DMXL1: variants seen among roughly 807,000 people sequenced by gnomAD.
DMXL1 encodes Dmx like 1.
DMXL1 carries 99 observed loss-of-function variants against 319.2 expected under a neutral mutation model. The observed-to-expected ratio is 0.31, with a 90% CI of 0.26 to 0.37. DMXL1 has a LOEUF of 0.37. Ranked by LOEUF, DMXL1 falls within the 10% of genes least tolerant of loss-of-function variation. The pLI is 1.00. For synonymous variants in DMXL1, 1,385 were observed against 1,235.2 expected (o/e 1.12, Z -2.54); for missense variants, 3,745 against 3,595.6 (o/e 1.04, Z -1.06).
intron 32 of DMXL1, among the ~76,000 whole-genome samples, chr5:119,202,909 A>T (rs144602599): frequency 0.035 from 4,697 of 134,676 alleles, 284 homozygotes; most frequent in African/African-American, 0.12. Context: ...ATATATATTT[A>T]TATATTTTTA....
rs370647752 is a variant in DMXL1, at chr5:119,170,022, A to T, written c.5399-168A>T. Among the ~76,000 whole-genome samples the T allele has an allele frequency of 9.2e-5, 14 of 152,350 alleles. No individual in the cohort carries two copies. The East Asian group carries it at 1.2e-3, about 13-fold the overall frequency. The stretch of plus-strand genomic sequence containing the variant: ...CCTACTTTGTTAGAACATGTTCATT[A>T]TAAATGTGTTGTTGTCTCTTCAGTG... On this transcript the variant is annotated intron_variant, in intron 23 of 43. Coordinates refer to ENST00000539542, the MANE Select transcript of DMXL1 (RefSeq NM_001290321.3).
intron 13 of DMXL1, among the ~76,000 whole-genome samples, chr5:119,141,642 TAGAA>T (rs1362672945): frequency 1.3e-5 from 2 of 152,130 alleles, no homozygotes; most frequent in Admixed American, 6.6e-5. Flanking sequence ...TGTTGATGGA[TAGAA>T]AGAATCAATA....
chr5:119,175,121 G>GA, intron 25 of DMXL1, 140 bp from the exon 26 acceptor site: 1 of 524,140 alleles, frequency 1.9e-6, no homozygotes, highest in Non-Finnish European at 3.3e-6. Flanking sequence ...GAGTGTTGTA[G>GA]AAAAAAAGGA....
At position 119,102,082 on chromosome 5, in the gene DMXL1, A is replaced by G. The variant is rs1367612837; in HGVS notation, c.285+76A>G. The G allele has an allele frequency of 2.1e-5, 19 of 906,412 alleles. No individual in the cohort carries two copies. In the East Asian group the frequency reaches 4.1e-4, roughly 19 times the overall value. The allele number at this position is 906,412 out of a possible 1,614,324, so 56.1% of individuals were successfully genotyped here. Reference sequence around the variant, plus strand: ...GAAAGAGTGTAAAATCAGAGTGATCATTGAGTAAATCGGTATTACTTATAT... The same window carrying G: ...GAAAGAGTGTAAAATCAGAGTGATCGTTGAGTAAATCGGTATTACTTATAT... On this transcript the variant is annotated intron_variant, in intron 3 of 43. Coordinates refer to ENST00000539542, the MANE Select transcript of DMXL1 (RefSeq NM_001290321.3).
chr5:119,147,319 G>A lies in DMXL1; in HGVS notation c.2760G>A (p.Glu920=), dbSNP rs1768798316. 1.9e-6 allele frequency: 3 copies of A among 1,613,480 alleles called. No individual in the cohort carries two copies. The African/African-American group carries it at 4.0e-5, about 22-fold the overall frequency. The change falls in exon 17 of 44, where the codon GAG becomes GAA. Residue 920 remains glutamate, a synonymous_variant. Coordinates refer to ENST00000539542, the MANE Select transcript of DMXL1 (RefSeq NM_001290321.3). ...QPEEHYSSSP[E]KILSPFSQKY... ...AAGAACATTATTCTTCTTCTCCAGA[G>A]AAGATCCTATCTCCTTTTTCACAAA... is the stretch of plus-strand genomic sequence containing the variant.
At chr5:119,104,372 G>A (rs1228665332) in intron 3 of DMXL1, 1 of 152,208 alleles carries the variant, frequency 6.6e-6, no homozygotes, top group East Asian at 1.9e-4. Flanking sequence ...GGGTGTTAAA[G>A]TACAGGTTTC....
intron 37 of DMXL1, among the ~76,000 whole-genome samples, chr5:119,223,896 T>C (rs1785079780): frequency 1.3e-5 from 2 of 152,152 alleles, no homozygotes; most frequent in Admixed American, 1.3e-4. Flanking sequence ...CAGGTTTTTA[T>C]TTTTTCTAGA....
chr5:119,164,020 A>AT (rs1772873568), intron 19 of DMXL1, among the ~76,000 whole-genome samples: 1 of 152,090 alleles, frequency 6.6e-6, no homozygotes. Flanking sequence ...TAGAGCTGGA[A>AT]TTTAACATAT....
intron 28 of DMXL1, among the ~76,000 whole-genome samples, chr5:119,181,980 A>G (rs1581192326): frequency 6.6e-6 from 1 of 152,212 alleles, no homozygotes; most frequent in Non-Finnish European, 1.5e-5. Flanking sequence ...TTGGCTTTCA[A>G]TATAAAGTAA....
At chr5:119,165,044 T>C (rs1361004962) in intron 20 of DMXL1, 139 bp from the exon 21 acceptor site, 18 of 597,378 alleles carry the variant, frequency 3.0e-5, no homozygotes, top group Admixed American at 9.9e-5. Context: ...ATTTTATATA[T>C]ACATGCACAT....
rs897610132 is a variant in DMXL1, at chr5:119,071,378, G to T, written c.-192G>T. On this transcript the variant is annotated 5_prime_UTR_variant, in exon 1 of 44. Coordinates refer to ENST00000539542, the MANE Select transcript of DMXL1 (RefSeq NM_001290321.3). ...GCCCTCTCGCCGACCCGCCCCCTCC[G>T]GGCCTCGCCCTCCGGGGCTCGGGAT... The T allele has an allele frequency of 1.2e-5, 7 of 569,102 alleles. No homozygotes were observed. The Admixed American group carries it at 2.4e-4, about 20-fold the overall frequency. 35.3% of individuals were successfully genotyped at this position (569,102 alleles called of 1,614,324 possible).
At chr5:119,079,722 T>G (rs184698373) in intron 1 of DMXL1, among the ~76,000 whole-genome samples, 41 of 152,332 alleles carry the variant, frequency 2.7e-4, no homozygotes, top group Non-Finnish European at 2.9e-5. Flanking sequence ...GTAACCACAT[T>G]GATGCTAATT....
In DMXL1 at chr5:119,170,770, A is replaced by G. The variant is rs1774381620; in HGVS notation, c.5979A>G (p.Thr1993=). The G allele has an allele frequency of 4.3e-6, 7 of 1,612,592 alleles. No individual in the cohort carries two copies. The highest frequency in any genetic ancestry group is 5.1e-6 in the Non-Finnish European group (6 of 1,179,746). The change falls in exon 24 of 44, where the codon ACA becomes ACG. Residue 1993 remains threonine, a synonymous_variant. Transcript: ENST00000539542. The stretch of plus-strand genomic sequence containing the variant: ...AACTAAAACCTTTACAGAGAAAAAC[A>G]GATAAAAAGTTGGATGACATAAGTT... The part of the protein sequence containing the change: ...MKELKPLQRK[T]DKKLDDISSN...
chr5:119,147,314 C>T lies in DMXL1; in HGVS notation c.2755C>T (p.Pro919Ser). Residue 919 changes from proline to serine, a missense_variant, in exon 17 of 44, where the codon CCA becomes TCA. Transcript: ENST00000539542. ...WQPEEHYSSS[P>S]EKILSPFSQK... The stretch of plus-strand genomic sequence containing the variant: ...GCCAGAAGAACATTATTCTTCTTCT[C>T]CAGAGAAGATCCTATCTCCTTTTTC... 3 of 1,613,512 alleles carry T rather than the reference C, an allele frequency of 1.9e-6. No homozygotes were observed. Among genetic ancestry groups the T allele is most frequent in the Non-Finnish European group, 2.5e-6 (3 of 1,179,706 alleles).
chr5:119,159,836 C>T (rs1332327283), intron 19 of DMXL1, among the ~76,000 whole-genome samples: 1 of 152,156 alleles, frequency 6.6e-6, no homozygotes. Flanking sequence ...GTTGGCCAGG[C>T]TGGTCTCGAA....
intron 3 of DMXL1, 148 bp downstream of exon 3, chr5:119,102,154 A>G (rs1757414196): frequency 6.5e-6 from 3 of 462,914 alleles, no homozygotes; most frequent in Non-Finnish European, 1.2e-5. Context: ...TGTTAAAAAT[A>G]TATTTAAATT....
At chr5:119,146,816 A>G in intron 15 of DMXL1, 21 bp from the exon 16 acceptor site, 1 of 1,602,010 alleles carries the variant, frequency 6.2e-7, no homozygotes, top group Non-Finnish European at 8.5e-7. Context: ...TAACAGTGAA[A>G]AATATCATTA....
chr5:119,201,703 C>G (rs1374625070), intron 32 of DMXL1, among the ~76,000 whole-genome samples: 1 of 151,998 alleles, frequency 6.6e-6, no homozygotes, highest in East Asian at 1.9e-4. Flanking sequence ...TGGTTCTATG[C>G]CTTTTTTGGT....
rs1478695101 is a variant in DMXL1, at chr5:119,248,779, TAG to T, written c.*1565_*1566del. ...TTGCAGTGCAAACACTGTCATTATGTAGAGAGTTTATATGCACATAATAACCT... is the reference window on the plus strand; with the variant it reads ...TTGCAGTGCAAACACTGTCATTATGTAGAGTTTATATGCACATAATAACCT... On this transcript the variant is annotated 3_prime_UTR_variant, in exon 44 of 44. Coordinates refer to ENST00000539542, the MANE Select transcript of DMXL1 (RefSeq NM_001290321.3). The T allele has an allele frequency of 1.3e-5, 2 of 152,526 alleles. No individual in the cohort carries two copies. Among genetic ancestry groups the T allele is most frequent in the Non-Finnish European group, 2.9e-5 (2 of 67,932 alleles). The allele number at this position is 152,526 out of a possible 1,614,324, so 9.4% of individuals were successfully genotyped here.
Sources: allele counts gnomAD v4.1 joint callset (sites outside exome capture counted in the v4.1 genomes callset), GRCh38; gene constraint gnomAD v4.1.1; transcripts MANE v1.5; gene names NCBI Gene and HGNC (gene_info 2026-07-23, HGNC 2026-07-21).